Variants in CCSER1 observed in about 807,000 individuals in gnomAD.
CCSER1 encodes the protein serine-rich coiled-coil domain-containing protein 1.
CCSER1 carries 41 observed loss-of-function variants against 82.0 expected under a neutral mutation model. That is an observed-to-expected ratio of 0.50 (90% CI 0.39 to 0.65). CCSER1 has a LOEUF of 0.65. Among genes scored for constraint, CCSER1 ranks in the 30% least tolerant of loss-of-function variants. The pLI, the probability that CCSER1 is intolerant of heterozygous loss-of-function variation, is 0.00. For missense variants in CCSER1, 1,119 were observed against 1,064.2 expected (o/e 1.05, Z -0.72); for synonymous variants, 414 against 383.9 (o/e 1.08, Z -0.92).
intron 10 of CCSER1, among the ~76,000 whole-genome samples, chr4:91,391,709 A>G (rs1751661700): frequency 6.6e-6 from 1 of 152,146 alleles, no homozygotes; most frequent in Non-Finnish European, 1.5e-5. Context: ...GAAAGCAGAT[A>G]TTGTGTAATA....
intron 10 of CCSER1, among the ~76,000 whole-genome samples, chr4:91,087,781 A>T (rs1021013186): frequency 6.6e-6 from 1 of 152,114 alleles, no homozygotes; most frequent in African/African-American, 2.4e-5. Flanking sequence ...AATTCAAAAC[A>T]ACTACTTAAC....
chr4:91,424,296 C>T, intron 10 of CCSER1, among the ~76,000 whole-genome samples: 1 of 151,890 alleles, frequency 6.6e-6, no homozygotes, highest in African/African-American at 2.4e-5. Context: ...GGATTACAGG[C>T]GTGAGCCACC....
intron 10 of CCSER1, among the ~76,000 whole-genome samples, chr4:91,204,026 T>G (rs935448250): frequency 6.6e-6 from 1 of 151,912 alleles, no homozygotes; most frequent in Non-Finnish European, 1.5e-5. Context: ...ATTAAATGTT[T>G]CCTGAGATAT....
At chr4:90,750,533 T>C (rs1353205127) in intron 7 of CCSER1, among the ~76,000 whole-genome samples, 4 of 152,176 alleles carry the variant, frequency 2.6e-5, no homozygotes, top group African/African-American at 4.8e-5. Flanking sequence ...CTATTTGCTT[T>C]CCAGTGTATG....
intron 3 of CCSER1, among the ~76,000 whole-genome samples, chr4:90,378,497 A>T (rs1748712143): frequency 6.6e-6 from 1 of 152,204 alleles, no homozygotes; most frequent in Admixed American, 6.5e-5. Flanking sequence ...GGCAAATGAT[A>T]GAGTGGGTTC....
intron 10 of CCSER1, among the ~76,000 whole-genome samples, chr4:91,391,280 T>G (rs1343521288): frequency 6.6e-6 from 1 of 152,084 alleles, no homozygotes; most frequent in Non-Finnish European, 1.5e-5. Flanking sequence ...TTTAAATTTC[T>G]CCAGAGATTT....
Position 91,603,408 on chromosome 4 carries a change from A to T in CCSER1, c.*4351A>T, listed in dbSNP as rs1764879669. 1 of 152,140 alleles carries T rather than the reference A, an allele frequency of 6.6e-6. No individual in the cohort carries two copies. Among genetic ancestry groups the T allele is most frequent in the Admixed American group, 6.6e-5 (1 of 15,258 alleles). The allele number at this position is 152,140 out of a possible 1,614,324, so 9.4% of individuals were successfully genotyped here. The stretch of plus-strand genomic sequence containing the variant: ...CCCAAAACCAAAAAGTTAAAAGATG[A>T]TAACACTCTGTGGTTGAATTACCTA... On this transcript the variant is annotated 3_prime_UTR_variant, in exon 11 of 11. Coordinates refer to ENST00000509176, the MANE Select transcript of CCSER1 (RefSeq NM_001145065.2).
chr4:91,551,914 A>T (rs544107134), intron 10 of CCSER1, among the ~76,000 whole-genome samples: 2 of 151,850 alleles, frequency 1.3e-5, no homozygotes, highest in Admixed American at 6.6e-5. Flanking sequence ...AACATTTGTA[A>T]TTATAACTTG....
intron 10 of CCSER1, among the ~76,000 whole-genome samples, chr4:91,444,728 G>A (rs958833952): frequency 6.6e-6 from 1 of 152,200 alleles, no homozygotes; most frequent in Admixed American, 6.5e-5. Flanking sequence ...GGGATCACAG[G>A]TGTTAACCAC....
intron 10 of CCSER1, among the ~76,000 whole-genome samples, chr4:91,181,135 T>C (rs535039647): frequency 2.6e-4 from 39 of 152,334 alleles, no homozygotes; most frequent in African/African-American, 8.7e-4. Flanking sequence ...GCAGAGATTT[T>C]GTTTATGGTC....
At chr4:91,538,010 A>T (rs1761385697) in intron 10 of CCSER1, among the ~76,000 whole-genome samples, 1 of 152,082 alleles carries the variant, frequency 6.6e-6, no homozygotes, top group African/African-American at 2.4e-5. Flanking sequence ...TTATATTCAG[A>T]TAGACACTAA....
chr4:91,491,897 A>C (rs1209224082), intron 10 of CCSER1, among the ~76,000 whole-genome samples: 1 of 151,656 alleles, frequency 6.6e-6, no homozygotes, highest in Admixed American at 6.6e-5. Flanking sequence ...AAAAAATTCA[A>C]CTTATGGCTA....
chr4:90,757,355 A>G (rs535580121), intron 7 of CCSER1, among the ~76,000 whole-genome samples: 3 of 152,102 alleles, frequency 2.0e-5, no homozygotes, highest in African/African-American at 7.2e-5. Context: ...AGCAGATGGA[A>G]CTCCCGTATC....
chr4:90,958,165 T>G (rs1270356923), intron 9 of CCSER1, among the ~76,000 whole-genome samples: 2 of 152,190 alleles, frequency 1.3e-5, no homozygotes, highest in African/African-American at 4.8e-5. Context: ...TTTCTCTGAA[T>G]TAGAAATAAT....
At chr4:90,686,271 G>A (rs1042467003) in intron 6 of CCSER1, among the ~76,000 whole-genome samples, 2 of 151,960 alleles carry the variant, frequency 1.3e-5, no homozygotes, top group African/African-American at 4.8e-5. Context: ...GCCATGAACG[G>A]AATCAAAAGA....
intron 1 of CCSER1, among the ~76,000 whole-genome samples, chr4:90,153,970 G>T (rs531219860): frequency 6.6e-6 from 1 of 152,260 alleles, no homozygotes; most frequent in African/African-American, 2.4e-5. Flanking sequence ...TGTCCTGAAT[G>T]GTACTGCCTA....
chr4:90,413,340 G>A (rs1578351785), intron 4 of CCSER1, among the ~76,000 whole-genome samples: 1 of 152,140 alleles, frequency 6.6e-6, no homozygotes, highest in African/African-American at 2.4e-5. Context: ...CTCGTGGATG[G>A]GTAGAACCAT....
intron 9 of CCSER1, among the ~76,000 whole-genome samples, chr4:90,988,071 C>CT (rs1173572337): frequency 6.6e-6 from 1 of 151,544 alleles, no homozygotes; most frequent in Non-Finnish European, 1.5e-5. Context: ...AATCTCAACA[C>CT]TTTGGGAGGC....
At chr4:91,353,183 A>G (rs1265129722) in intron 10 of CCSER1, among the ~76,000 whole-genome samples, 1 of 152,226 alleles carries the variant, frequency 6.6e-6, no homozygotes, top group Non-Finnish European at 1.5e-5. Flanking sequence ...GGCTTTATTC[A>G]GCCAGGAGCG....
Sources: gnomAD v4.1 joint callset for allele counts (sites outside exome capture counted in the v4.1 genomes callset) on GRCh38, gnomAD v4.1.1 for gene constraint, MANE v1.5 for transcripts, NCBI Gene and HGNC (gene_info 2026-07-23, HGNC 2026-07-21) for gene names.